Variants in SH3BGRL observed in about 807,000 individuals in gnomAD.
SH3BGRL encodes adapter SH3BGRL.
A neutral mutation model predicts 9.8 loss-of-function variants in SH3BGRL; 7 were observed. The observed-to-expected ratio is 0.72, with a 90% CI of 0.41 to 1.35. SH3BGRL has a LOEUF of 1.35. SH3BGRL is among the 40% of genes most tolerant of loss of function. The pLI is 0.01. For missense variants in SH3BGRL, 73 were observed against 84.4 expected (o/e 0.86, Z 0.53); for synonymous variants, 36 against 29.1 (o/e 1.24, Z -0.76).
intron 1 of SH3BGRL, among the ~76,000 whole-genome samples, chrX:81,242,242 G>T (rs1398208234): frequency 9.0e-6 from 1 of 111,580 alleles, no homozygotes; most frequent in Non-Finnish European, 1.9e-5. Context: ...ACAGACTAGA[G>T]AACCCTGAAA....
At chrX:81,281,354 C>T (rs765904665) in intron 3 of SH3BGRL, among the ~76,000 whole-genome samples, 4 of 111,557 alleles carry the variant, frequency 3.6e-5, no homozygotes, top group Admixed American at 9.5e-5. Context: ...AAAAGATCTT[C>T]GCCTTAGGCA....
intron 1 of SH3BGRL, among the ~76,000 whole-genome samples, chrX:81,250,042 A>G (rs2075704174): frequency 9.2e-6 from 1 of 109,161 alleles, no homozygotes; most frequent in African/African-American, 3.3e-5. Context: ...TTTTTAATGC[A>G]GTATACTAAG....
intron 1 of SH3BGRL, among the ~76,000 whole-genome samples, chrX:81,234,302 T>G (rs1426154012): frequency 2.7e-5 from 3 of 112,383 alleles, no homozygotes; most frequent in Non-Finnish European, 5.6e-5. Flanking sequence ...CATTTCTGCA[T>G]TATGCATTAA....
chrX:81,221,437 C>T (rs992202722), intron 1 of SH3BGRL, among the ~76,000 whole-genome samples: 7 of 111,746 alleles, frequency 6.3e-5, no homozygotes, highest in African/African-American at 2.3e-4. Context: ...TGCCTTTGGC[C>T]AACTGTATGG....
intron 1 of SH3BGRL, among the ~76,000 whole-genome samples, chrX:81,254,034 C>G (rs1423175089): frequency 9.0e-6 from 1 of 111,538 alleles, no homozygotes; most frequent in Admixed American, 9.5e-5. Context: ...TGCCAGCATC[C>G]TTAAAACTGT....
intron 1 of SH3BGRL, among the ~76,000 whole-genome samples, chrX:81,231,016 T>C (rs1464461452): frequency 8.9e-6 from 1 of 112,382 alleles, no homozygotes. Flanking sequence ...GAACAATATG[T>C]TGATATGTAA....
chrX:81,211,998 G>GA (rs1197904257), intron 1 of SH3BGRL, among the ~76,000 whole-genome samples: 1 of 111,513 alleles, frequency 9.0e-6, no homozygotes, highest in African/African-American at 3.3e-5. Context: ...CAGACTTTCA[G>GA]AAAAAACATA....
chrX:81,215,245 C>T (rs1203898148), intron 1 of SH3BGRL, among the ~76,000 whole-genome samples: 1 of 110,463 alleles, frequency 9.1e-6, no homozygotes, highest in East Asian at 2.9e-4. Flanking sequence ...CTAACTTGAT[C>T]GTATGTGCAC....
intron 1 of SH3BGRL, among the ~76,000 whole-genome samples, chrX:81,219,434 T>A (rs2075593183): frequency 9.0e-6 from 1 of 111,368 alleles, no homozygotes; most frequent in Admixed American, 9.5e-5. Context: ...ACTATTGGCA[T>A]TTAGAAATGC....
At chrX:81,284,214 A>C (rs759789978) in intron 3 of SH3BGRL, among the ~76,000 whole-genome samples, 1 of 111,568 alleles carries the variant, frequency 9.0e-6, no homozygotes, top group East Asian at 2.8e-4. Context: ...GGATACAATC[A>C]ATATTGTGAA....
intron 1 of SH3BGRL, among the ~76,000 whole-genome samples, chrX:81,244,210 A>G (rs1370990038): frequency 9.0e-6 from 1 of 111,531 alleles, no homozygotes; most frequent in Non-Finnish European, 1.9e-5. Context: ...TAGGGAAAAA[A>G]TCCAAGAAAA....
chrX:81,289,922 T>G (rs1199444177), intron 3 of SH3BGRL, among the ~76,000 whole-genome samples: 1 of 112,082 alleles, frequency 8.9e-6, no homozygotes, highest in Non-Finnish European at 1.9e-5. Flanking sequence ...GCAAAAGATT[T>G]GAATAATCCT....
chrX:81,285,718 G>A (rs2075832097), intron 3 of SH3BGRL, among the ~76,000 whole-genome samples: 2 of 111,607 alleles, frequency 1.8e-5, no homozygotes, highest in Admixed American at 1.9e-4. Flanking sequence ...TCTAACGATA[G>A]CGTCAACAAA....
chrX:81,241,226 A>G (rs1208859997), intron 1 of SH3BGRL, among the ~76,000 whole-genome samples: 4 of 112,161 alleles, frequency 3.6e-5, no homozygotes, highest in African/African-American at 1.3e-4. Context: ...ACTGAGGAGC[A>G]TGAGAGGGAT....
chrX:81,248,314 C>T (rs1182223431), intron 1 of SH3BGRL, among the ~76,000 whole-genome samples: 2 of 112,079 alleles, frequency 1.8e-5, no homozygotes, highest in Non-Finnish European at 3.8e-5. Context: ...GCACTCAATA[C>T]AGCTAGGTAT....
At chrX:81,216,276 T>A (rs1035205679) in intron 1 of SH3BGRL, among the ~76,000 whole-genome samples, 1 of 111,029 alleles carries the variant, frequency 9.0e-6, no homozygotes, top group Non-Finnish European at 1.9e-5. Flanking sequence ...ATTTACTTTG[T>A]TTTTGCTTTA....
At chrX:81,258,257 A>G (rs1383290352) in intron 1 of SH3BGRL, among the ~76,000 whole-genome samples, 10 of 111,957 alleles carry the variant, frequency 8.9e-5, no homozygotes, top group Non-Finnish European at 1.9e-4. Context: ...CATTTATTTT[A>G]TCAGATCCAA....
intron 1 of SH3BGRL, among the ~76,000 whole-genome samples, chrX:81,204,976 A>G (rs1368916196): frequency 8.9e-6 from 1 of 112,450 alleles, no homozygotes; most frequent in Non-Finnish European, 1.9e-5. Context: ...TATGGGGGAC[A>G]TATGATCTTT....
At chrX:81,236,046 G>T (rs1364805792) in intron 1 of SH3BGRL, among the ~76,000 whole-genome samples, 2 of 111,513 alleles carry the variant, frequency 1.8e-5, no homozygotes, top group Non-Finnish European at 3.8e-5. Context: ...AGGTTTGTTT[G>T]TTTTTTATGA....
Sources: allele counts gnomAD v4.1 joint callset (sites outside exome capture counted in the v4.1 genomes callset), GRCh38; gene constraint gnomAD v4.1.1; transcripts MANE v1.5; gene names NCBI Gene and HGNC (gene_info 2026-07-23, HGNC 2026-07-21).